Variants in MED12L observed in about 807,000 individuals in gnomAD.
MED12L encodes mediator of RNA polymerase II transcription subunit 12-like protein.
MED12L carries 60 observed loss-of-function variants against 281.3 expected under a neutral mutation model. The ratio of observed to expected loss-of-function variants is 0.21; its 90% CI spans 0.17 to 0.26. The LOEUF is 0.26. MED12L is among the 10% of genes least tolerant of loss of function. MED12L has a pLI of 1.00. For synonymous variants in MED12L, 974 were observed against 987.2 expected (o/e 0.99, Z 0.25); for missense variants, 2,146 against 2,680.9 (o/e 0.80, Z 4.41).
At chr3:151,393,426 A>G (rs1056316189) in intron 38 of MED12L, among the ~76,000 whole-genome samples, 5 of 152,206 alleles carry the variant, frequency 3.3e-5, no homozygotes, top group African/African-American at 1.2e-4. Flanking sequence ...AAGTAAACAT[A>G]GAGTAGAGGA....
In MED12L at chr3:151,086,833, A is replaced by G; in HGVS notation, c.-94A>G. The G allele has an allele frequency of 1.1e-6, 1 of 942,516 alleles. No individual in the cohort carries two copies. The highest frequency in any genetic ancestry group is 1.6e-6 in the Non-Finnish European group (1 of 632,050). The allele number at this position is 942,516 out of a possible 1,614,324, so 58.4% of individuals were successfully genotyped here. On this transcript the variant is annotated 5_prime_UTR_variant, in exon 2 of 45. Coordinates refer to ENST00000687756, the MANE Select transcript of MED12L (RefSeq NM_001393769.1). Reference sequence around the variant, plus strand: ...AGCGAGCGAGCGAGGAGGGGGAGAGAGGGAGTCTGTCTGCAAAGTGCTGCT... The same window carrying G: ...AGCGAGCGAGCGAGGAGGGGGAGAGGGGGAGTCTGTCTGCAAAGTGCTGCT...
At chr3:151,400,304 G>A (rs1172816672) in intron 39 of MED12L, among the ~76,000 whole-genome samples, 2 of 152,140 alleles carry the variant, frequency 1.3e-5, no homozygotes, top group Non-Finnish European at 2.9e-5. Flanking sequence ...ATTCCAGACA[G>A]CATATTTTCA....
chr3:151,390,654 A>G (rs978303994), intron 38 of MED12L, among the ~76,000 whole-genome samples: 1 of 152,360 alleles, frequency 6.6e-6, no homozygotes, highest in South Asian at 2.1e-4. Flanking sequence ...AAATGAAAAC[A>G]TCTCTTAATG....
chr3:151,300,555 C>T (rs185242959), intron 16 of MED12L, among the ~76,000 whole-genome samples: 67 of 152,298 alleles, frequency 4.4e-4, no homozygotes, highest in African/African-American at 1.5e-3. Flanking sequence ...GATTCTATCA[C>T]GTATTGACCA....
At chr3:151,396,381 A>T (rs1218815881) in intron 39 of MED12L, among the ~76,000 whole-genome samples, 1 of 152,178 alleles carries the variant, frequency 6.6e-6, no homozygotes, top group Non-Finnish European at 1.5e-5. Flanking sequence ...TAATCCCATC[A>T]CTTTTGGAGG....
intron 16 of MED12L, among the ~76,000 whole-genome samples, chr3:151,299,138 G>A (rs1297449920): frequency 6.6e-6 from 1 of 152,126 alleles, no homozygotes; most frequent in East Asian, 1.9e-4. Context: ...GACAGAGTAG[G>A]GAAGAATCTG....
chr3:151,329,020 A>G (rs2149870527), intron 16 of MED12L: 2 of 1,554,512 alleles, frequency 1.3e-6, no homozygotes, highest in East Asian at 4.5e-5. Context: ...GTTACCAATA[A>G]ACATATATAC....
At chr3:151,177,852 C>A (rs1722246956) in intron 11 of MED12L, among the ~76,000 whole-genome samples, 1 of 152,080 alleles carries the variant, frequency 6.6e-6, no homozygotes, top group South Asian at 2.1e-4. Flanking sequence ...ACTGTTAATA[C>A]TATTATTGCC....
At chr3:151,192,132 G>T (rs1724072121) in intron 14 of MED12L, among the ~76,000 whole-genome samples, 1 of 152,280 alleles carries the variant, frequency 6.6e-6, no homozygotes, top group Middle Eastern at 3.4e-3. Context: ...AAAAACTGAA[G>T]TTCCTTTACC....
At chr3:151,267,956 A>G (rs980134214) in intron 16 of MED12L, among the ~76,000 whole-genome samples, 1 of 152,180 alleles carries the variant, frequency 6.6e-6, no homozygotes, top group African/African-American at 2.4e-5. Context: ...CTATTATCCT[A>G]ATTTATGAAT....
intron 16 of MED12L, chr3:151,213,705 A>G: frequency 6.2e-7 from 1 of 1,614,208 alleles, no homozygotes; most frequent in Non-Finnish European, 8.5e-7. Context: ...CAGTATAGAA[A>G]ACGATTAACA....
intron 5 of MED12L, among the ~76,000 whole-genome samples, chr3:151,145,400 A>T (rs1717626399): frequency 6.6e-6 from 1 of 152,244 alleles, no homozygotes; most frequent in Non-Finnish European, 1.5e-5. Context: ...CACATATGGT[A>T]ATGTTCGCTA....
At chr3:151,318,229 A>G (rs1438744798) in intron 16 of MED12L, among the ~76,000 whole-genome samples, 1 of 152,158 alleles carries the variant, frequency 6.6e-6, no homozygotes, top group Non-Finnish European at 1.5e-5. Context: ...CAATTAGCCA[A>G]CTTAATAATG....
At chr3:151,107,495 T>G (rs1722220756) in intron 2 of MED12L, among the ~76,000 whole-genome samples, 1 of 152,202 alleles carries the variant, frequency 6.6e-6, no homozygotes, top group African/African-American at 2.4e-5. Flanking sequence ...TGCATAATTA[T>G]TTGTTAATCG....
intron 16 of MED12L, among the ~76,000 whole-genome samples, chr3:151,249,545 T>A (rs1736434288): frequency 1.3e-5 from 2 of 152,104 alleles, no homozygotes; most frequent in South Asian, 2.1e-4. Flanking sequence ...GACTATGCTA[T>A]CTCCTCTGGG....
chr3:151,149,881 T>A (rs1449231504), intron 5 of MED12L, among the ~76,000 whole-genome samples: 1 of 152,230 alleles, frequency 6.6e-6, no homozygotes, highest in East Asian at 1.9e-4. Flanking sequence ...TGCTTAATTT[T>A]ACTGGGAGGT....
At chr3:151,144,441 A>G (rs1333439979) in intron 5 of MED12L, among the ~76,000 whole-genome samples, 1 of 152,154 alleles carries the variant, frequency 6.6e-6, no homozygotes, top group African/African-American at 2.4e-5. Context: ...GGGAGTTTCC[A>G]TGCAACCTTG....
chr3:151,143,876 T>C (rs1717390704), intron 5 of MED12L, among the ~76,000 whole-genome samples: 1 of 149,956 alleles, frequency 6.7e-6, no homozygotes, highest in South Asian at 2.1e-4. Context: ...AAGTGGTTAA[T>C]TAAGTGCACC....
rs781609028 is a variant in MED12L at position 151,433,091 on chromosome 3, GCTTT to G, written c.*288_*291del. The G allele has an allele frequency of 1.3e-4, 37 of 293,838 alleles. No individual in the cohort carries two copies. The highest frequency in any genetic ancestry group is 2.1e-4 in the Non-Finnish European group (33 of 158,488). The allele number at this position is 293,838 out of a possible 1,614,324, so 18.2% of individuals were successfully genotyped here. A position where few individuals can be genotyped will look rare whatever the true frequency, so the allele number is the denominator to read the frequency against. On this transcript the variant is annotated 3_prime_UTR_variant, in exon 45 of 45. Coordinates refer to ENST00000687756, the MANE Select transcript of MED12L (RefSeq NM_001393769.1). ...TGCTAGCAGACCTTTTGAAATTGGTGCTTTTTTTGAATCTCACATTTCTAGAAAG... is the reference window on the plus strand; with the variant it reads ...TGCTAGCAGACCTTTTGAAATTGGTGTTTTGAATCTCACATTTCTAGAAAG...
Sources: gnomAD v4.1 joint callset for allele counts (sites outside exome capture counted in the v4.1 genomes callset) on GRCh38, gnomAD v4.1.1 for gene constraint, MANE v1.5 for transcripts, NCBI Gene and HGNC (gene_info 2026-07-23, HGNC 2026-07-21) for gene names.